CEP85L: variants seen among roughly 807,000 people sequenced by gnomAD.
CEP85L encodes centrosomal protein of 85 kDa-like.
CEP85L carries 60 observed loss-of-function variants against 100.3 expected under a neutral mutation model. That is an observed-to-expected ratio of 0.60 (90% CI 0.49 to 0.74). The LOEUF (loss-of-function observed/expected upper bound fraction) is 0.74. Among genes scored for constraint, CEP85L ranks in the 30% least tolerant of loss-of-function variants. The probability of loss-of-function intolerance (pLI) is 0.00; values close to 1 mark genes in which losing one functional copy is unlikely to be tolerated. For missense variants in CEP85L, 973 were observed against 936.2 expected, an observed-to-expected ratio of 1.04 and a Z score of -0.51; for synonymous variants, 319 against 322.7, an observed-to-expected ratio of 0.99 and a Z score of 0.12.
At chr6:118,507,448 A>G (rs1017995442) in intron 5 of CEP85L, among the ~76,000 whole-genome samples, 18 of 152,192 alleles carry the variant, frequency 1.2e-4, no homozygotes, top group East Asian at 7.7e-4. Context: ...CTATTATGCC[A>G]TCAGAGTAAC....
In CEP85L at chr6:118,709,041, G is replaced by A. The variant is rs1472279996; in HGVS notation, c.-28+995C>T. Among the ~76,000 whole-genome samples, 6 of 152,072 alleles carry A rather than the reference G, an allele frequency of 3.9e-5. No homozygotes were observed. In the East Asian group the frequency reaches 7.7e-4, roughly 20 times the overall value. On this transcript the variant is annotated intron_variant, in intron 1 of 13. Transcript: ENST00000368488. ...GAAACCGGTAATATAGAATAGCCCCGATTTTGTACCTAACAGATCTCGGAA... is the reference window on the plus strand; with the variant it reads ...GAAACCGGTAATATAGAATAGCCCCAATTTTGTACCTAACAGATCTCGGAA...
At chr6:118,502,248 AT>A (rs2114669760) in intron 5 of CEP85L, 2 of 595,100 alleles carry the variant, frequency 3.4e-6, no homozygotes, top group Non-Finnish European at 6.1e-6. Context: ...ATGACTCCAC[AT>A]TTATGAATAT....
intron 10 of CEP85L, among the ~76,000 whole-genome samples, chr6:118,470,912 T>C (rs1772904235): frequency 2.0e-5 from 3 of 152,146 alleles, no homozygotes; most frequent in South Asian, 4.1e-4. Context: ...TTTTAATTTG[T>C]ATAAAACATG....
Position 118,481,779 on chromosome 6 carries a change from C to T in CEP85L, c.1745G>A (p.Ser582Asn). ...AGAAGGATTCAGAAAATTTTCTTAC[C>T]TCTGAACGGTAGTTACTAACTCCTT... ...KEKELVTTVQ[S>N]LQQKVERCLE... The change falls in exon 8 of 13, where the codon AGT (serine) becomes AAT (asparagine). Residue 582 changes from serine (S) to asparagine (N), a missense_variant and splice_region_variant. By Grantham distance (46) the Ser-to-Asn change is conservative. Coordinates refer to ENST00000368491, the MANE Select transcript of CEP85L (RefSeq NM_001042475.3). The T allele has an allele frequency of 1.3e-6, 2 of 1,557,900 alleles. No homozygotes were observed. The highest frequency in any genetic ancestry group is 1.4e-5 in the African/African-American group (1 of 71,760).
At chr6:118,476,138 G>A (rs547526422) in intron 10 of CEP85L, among the ~76,000 whole-genome samples, 4 of 151,868 alleles carry the variant, frequency 2.6e-5, no homozygotes, top group South Asian at 2.1e-4. Context: ...ACTCCCCCCC[G>A]CGACATAACT....
chr6:118,646,961 A>G, intron 1 of CEP85L: 1 of 985,408 alleles, frequency 1.0e-6, no homozygotes, highest in Non-Finnish European at 1.2e-6. Flanking sequence ...CCAGGAAGTG[A>G]TCAAATTCCA....
At chr6:118,542,230 C>G (rs947167790) in intron 3 of CEP85L, among the ~76,000 whole-genome samples, 3 of 152,014 alleles carry the variant, frequency 2.0e-5, no homozygotes, top group Non-Finnish European at 2.9e-5. Flanking sequence ...AAACAGCACA[C>G]AAAAATGCCC....
intron 2 of CEP85L, among the ~76,000 whole-genome samples, chr6:118,593,809 T>G (rs1215969237): frequency 6.6e-6 from 1 of 152,158 alleles, no homozygotes; most frequent in Non-Finnish European, 1.5e-5. Flanking sequence ...AGTGGTCTCC[T>G]ACCTTCCAGT....
At chr6:118,599,134 G>A (rs1781597039) in intron 2 of CEP85L, among the ~76,000 whole-genome samples, 2 of 152,166 alleles carry the variant, frequency 1.3e-5, no homozygotes, top group Admixed American at 1.3e-4. Flanking sequence ...ATAATAACAA[G>A]TATGTCCAGC....
At chr6:118,530,055 T>G (rs898051183) in intron 3 of CEP85L, among the ~76,000 whole-genome samples, 3 of 152,038 alleles carry the variant, frequency 2.0e-5, no homozygotes, top group Non-Finnish European at 4.4e-5. Flanking sequence ...AAAATAAAGT[T>G]TTATAAAACT....
intron 1 of CEP85L, among the ~76,000 whole-genome samples, chr6:118,688,281 A>G (rs1891714): frequency 0.22 from 33,876 of 152,148 alleles, 4,836 homozygotes; most frequent in Non-Finnish European, 0.32. Flanking sequence ...GATTACAAAC[A>G]TGAGCCACAG....
chr6:118,575,065 C>T (rs947238619), intron 2 of CEP85L, among the ~76,000 whole-genome samples: 1 of 151,920 alleles, frequency 6.6e-6, no homozygotes, highest in African/African-American at 2.4e-5. Context: ...ACAAGAAACT[C>T]GAGTTGAGCC....
At chr6:118,603,947 G>A (rs946573362) in intron 2 of CEP85L, among the ~76,000 whole-genome samples, 12 of 152,164 alleles carry the variant, frequency 7.9e-5, no homozygotes, top group Admixed American at 3.9e-4. Context: ...TGATTTTGTG[G>A]TACACAGAAT....
At position 118,647,151 on chromosome 6, in the gene CEP85L, T is replaced by C. The variant is rs1054082868; in HGVS notation, c.73+4046A>G. The C allele has an allele frequency of 1.8e-5, 14 of 770,112 alleles. No individual in the cohort carries two copies. The East Asian group carries it at 1.5e-3, about 84-fold the overall frequency. 47.7% of individuals were successfully genotyped at this position (770,112 alleles called of 1,614,324 possible). ...AGAACCACAGCAGAAAACAATATTA[T>C]TAGTTGTAACCATACCAGTTATTAC... On this transcript the variant is annotated intron_variant, in intron 1 of 12. Transcript: ENST00000368491.
chr6:118,645,687 C>CA (rs1775133428), intron 1 of CEP85L, among the ~76,000 whole-genome samples: 1 of 151,760 alleles, frequency 6.6e-6, no homozygotes, highest in South Asian at 2.1e-4. Context: ...CAAAACAAAA[C>CA]AAACAAACAA....
At position 118,479,864 on chromosome 6, in the gene CEP85L, TC is replaced by T. The variant is rs754354825; in HGVS notation, c.1914+6del. The T allele has an allele frequency of 1.8e-5, 27 of 1,464,194 alleles. No individual in the cohort carries two copies. Among genetic ancestry groups the T allele is most frequent in the Non-Finnish European group, 2.2e-5 (23 of 1,068,270 alleles). 90.7% of individuals were successfully genotyped at this position (1,464,194 alleles called of 1,614,324 possible). On this transcript the variant is annotated splice_donor_region_variant and intron_variant, in intron 10 of 12. Coordinates refer to ENST00000368491, the MANE Select transcript of CEP85L (RefSeq NM_001042475.3). ...CTAAATTAAAATAAGCACAAAATAT[TC>T]CTTACCTGAATTTCTAAAATCATTC...
At chr6:118,567,223 G>A (rs909717697) in intron 2 of CEP85L, among the ~76,000 whole-genome samples, 3 of 54,800 alleles carry the variant, frequency 5.5e-5, no homozygotes, top group Non-Finnish European at 1.1e-4. Context: ...GTGTGTGTGT[G>A]TGTGTGTGTG....
chr6:118,559,210 A>G (rs1779085650), intron 3 of CEP85L: 6 of 792,854 alleles, frequency 7.6e-6, no homozygotes, highest in Non-Finnish European at 1.2e-5. Flanking sequence ...TGAAAAGGTC[A>G]AGATTAAGAC....
chr6:118,606,275 G>A lies in CEP85L; in HGVS notation c.232+26178C>T, dbSNP rs186436724. Among the ~76,000 whole-genome samples the A allele has an allele frequency of 9.2e-5, 14 of 152,248 alleles. No individual in the cohort carries two copies. The East Asian group carries it at 2.7e-3, about 29-fold the overall frequency. On this transcript the variant is annotated intron_variant, in intron 2 of 12. Coordinates refer to ENST00000368491, the MANE Select transcript of CEP85L (RefSeq NM_001042475.3). Reference sequence around the variant, plus strand: ...CAAATGACCAATATTTCTAGCTTCTGAACTTTATCAAAGGTGCTGAGAGAA... The same window carrying A: ...CAAATGACCAATATTTCTAGCTTCTAAACTTTATCAAAGGTGCTGAGAGAA...
Sources: allele counts gnomAD v4.1 joint callset (sites outside exome capture counted in the v4.1 genomes callset), GRCh38; gene constraint gnomAD v4.1.1; transcripts MANE v1.5; gene names NCBI Gene and HGNC (gene_info 2026-07-23, HGNC 2026-07-21).